The following NAALADL2 variants were observed in gnomAD, a reference collection of about 807,000 sequenced individuals.
NAALADL2 encodes inactive N-acetylated-alpha-linked acidic dipeptidase-like protein 2.
In NAALADL2, 76 loss-of-function variants were observed where a neutral mutation model predicts 87.2. That is an observed-to-expected ratio of 0.87 (90% CI 0.72 to 1.05). The LOEUF (loss-of-function observed/expected upper bound fraction) is 1.05. Ranked by LOEUF, NAALADL2 falls within the 50% of genes least tolerant of loss-of-function variation. The probability of loss-of-function intolerance (pLI) is 0.00; values close to 1 mark genes in which losing one functional copy is unlikely to be tolerated. For synonymous variants in NAALADL2, 354 were observed against 331.0 expected, an observed-to-expected ratio of 1.07 and a Z score of -0.75; for missense variants, 1,089 against 945.8, an observed-to-expected ratio of 1.15 and a Z score of -1.99.
At chr3:174,796,987 G>A (rs1205000893) in intron 3 of NAALADL2, among the ~76,000 whole-genome samples, 1 of 152,004 alleles carries the variant, frequency 6.6e-6, no homozygotes, top group Non-Finnish European at 1.5e-5. Flanking sequence ...TGTTTTGGGT[G>A]TTGTTGCTTA....
At chr3:175,405,705 G>T (rs1246125124) in intron 5 of NAALADL2, among the ~76,000 whole-genome samples, 2 of 111,534 alleles carry the variant, frequency 1.8e-5, no homozygotes, top group Admixed American at 2.1e-4. Context: ...TGAATGAAAA[G>T]AACGTTTCTT....
intron 4 of NAALADL2, among the ~76,000 whole-genome samples, chr3:175,312,215 A>G (rs574934618): frequency 1.4e-4 from 22 of 152,292 alleles, no homozygotes; most frequent in African/African-American, 5.3e-4. Context: ...GGAAGTAAAA[A>G]TATCTGCCTA....
At chr3:175,274,076 G>A (rs945334879) in intron 4 of NAALADL2, among the ~76,000 whole-genome samples, 2 of 152,062 alleles carry the variant, frequency 1.3e-5, no homozygotes, top group Admixed American at 1.3e-4. Context: ...AATAGGCTGG[G>A]TAATTTATTT....
chr3:175,382,249 G>A (rs1767872807), intron 5 of NAALADL2, among the ~76,000 whole-genome samples: 1 of 152,106 alleles, frequency 6.6e-6, no homozygotes, highest in African/African-American at 2.4e-5. Flanking sequence ...AATGGTTCAT[G>A]AAACAGTATG....
At chr3:175,630,541 A>G (rs1414037045) in intron 11 of NAALADL2, among the ~76,000 whole-genome samples, 1 of 151,742 alleles carries the variant, frequency 6.6e-6, no homozygotes, top group Non-Finnish European at 1.5e-5. Flanking sequence ...TTTTGTTTTT[A>G]CTATAAAATA....
intron 1 of NAALADL2, among the ~76,000 whole-genome samples, chr3:175,006,484 A>T (rs1749039171): frequency 6.6e-6 from 1 of 152,154 alleles, no homozygotes; most frequent in South Asian, 2.1e-4. Flanking sequence ...TCTTTCTGTC[A>T]AAGTTATGCA....
intron 2 of NAALADL2, among the ~76,000 whole-genome samples, chr3:174,669,344 A>T (rs937635746): frequency 2.7e-4 from 41 of 151,428 alleles, no homozygotes; most frequent in Non-Finnish European, 4.3e-4. Flanking sequence ...GATTGCAAAA[A>T]TTTTCTCCCA....
chr3:174,670,796 A>G (rs895096101), intron 2 of NAALADL2, among the ~76,000 whole-genome samples: 1 of 152,016 alleles, frequency 6.6e-6, no homozygotes, highest in African/African-American at 2.4e-5. Context: ...AACACCTTAT[A>G]TGGTTTGAAT....
chr3:175,569,823 T>TACACACACAC (rs34518577), intron 9 of NAALADL2, among the ~76,000 whole-genome samples: 1,706 of 147,492 alleles, frequency 0.012, 31 homozygotes, highest in African/African-American at 0.04. Flanking sequence ...GACCAACTAA[T>TACACACACAC]ACACACACAC....
intron 11 of NAALADL2, among the ~76,000 whole-genome samples, chr3:175,695,451 T>C (rs952145761): frequency 1.3e-5 from 2 of 152,198 alleles, no homozygotes; most frequent in African/African-American, 4.8e-5. Context: ...AAGTTTATTT[T>C]TCCAACGTCT....
At chr3:175,456,156 C>A (rs1722284125) in intron 6 of NAALADL2, among the ~76,000 whole-genome samples, 1 of 151,946 alleles carries the variant, frequency 6.6e-6, no homozygotes, top group Non-Finnish European at 1.5e-5. Context: ...GATTGGGAAC[C>A]AATTAATCTG....
chr3:175,750,255 G>C (rs1746465316), intron 12 of NAALADL2, among the ~76,000 whole-genome samples: 1 of 152,164 alleles, frequency 6.6e-6, no homozygotes, highest in Non-Finnish European at 1.5e-5. Context: ...GATGCTACAG[G>C]ATGATCGTTG....
At chr3:175,361,820 C>T (rs1765046059) in intron 5 of NAALADL2, among the ~76,000 whole-genome samples, 1 of 148,050 alleles carries the variant, frequency 6.8e-6, no homozygotes, top group African/African-American at 2.5e-5. Flanking sequence ...TGTAGGTTGC[C>T]TGCTCACTCT....
At chr3:175,313,786 C>T (rs898842504) in intron 4 of NAALADL2, among the ~76,000 whole-genome samples, 4 of 151,916 alleles carry the variant, frequency 2.6e-5, no homozygotes, top group African/African-American at 7.3e-5. Flanking sequence ...AAAAGTGGTC[C>T]GGGCATGGTG....
chr3:174,675,303 C>A (rs1419160956), intron 2 of NAALADL2, among the ~76,000 whole-genome samples: 3 of 151,996 alleles, frequency 2.0e-5, no homozygotes, highest in Non-Finnish European at 2.9e-5. Context: ...AGAGCTGCTG[C>A]AGAAATGGGT....
At chr3:174,715,159 C>G (rs1731062882) in intron 2 of NAALADL2, among the ~76,000 whole-genome samples, 1 of 152,072 alleles carries the variant, frequency 6.6e-6, no homozygotes, top group Non-Finnish European at 1.5e-5. Flanking sequence ...ATAAATCTAT[C>G]CAAATCCAAA....
rs181020418 is a variant in NAALADL2 at position 175,418,824 on chromosome 3, A to G, written c.1091-28405A>G. On this transcript the variant is annotated intron_variant, in intron 5 of 13. Coordinates refer to ENST00000454872, the MANE Select transcript of NAALADL2 (RefSeq NM_207015.3). ...TTTGAAAAAGAAGAGATTCTACAAT[A>G]GTTCTGCTTCAGGCACTCAAATTAA... Among the ~76,000 whole-genome samples the G allele has an allele frequency of 3.1e-4, 47 of 152,170 alleles. 1 individual carries two copies. In the East Asian group the frequency reaches 9.1e-3, roughly 29 times the overall value.
intron 3 of NAALADL2, among the ~76,000 whole-genome samples, chr3:174,770,325 CAAATAT>C (rs886574145): frequency 4.6e-5 from 7 of 152,120 alleles, no homozygotes; most frequent in Admixed American, 2.0e-4. Flanking sequence ...TCAGAGTAAA[CAAATAT>C]AAAGATGTTA....
intron 2 of NAALADL2, among the ~76,000 whole-genome samples, chr3:174,575,003 C>T (rs1715369645): frequency 6.6e-6 from 1 of 152,024 alleles, no homozygotes; most frequent in Non-Finnish European, 1.5e-5. Context: ...TTTGTAGATA[C>T]ATATTTGTAT....
Sources: gnomAD v4.1 joint callset for allele counts (sites outside exome capture counted in the v4.1 genomes callset) on GRCh38, gnomAD v4.1.1 for gene constraint, MANE v1.5 for transcripts, NCBI Gene and HGNC (gene_info 2026-07-23, HGNC 2026-07-21) for gene names.